Variants in SCEL observed in about 807,000 individuals in gnomAD.
SCEL encodes sciellin.
A neutral mutation model predicts 117.6 loss-of-function variants in SCEL; 113 were observed. The observed-to-expected ratio is 0.96, with a 90% CI of 0.83 to 1.12. The LOEUF (loss-of-function observed/expected upper bound fraction) is 1.12, where lower values mean the gene tolerates loss of function less well. SCEL is among the 50% of genes most tolerant of loss of function. SCEL has a pLI of 0.00. For missense variants in SCEL, 785 were observed against 810.8 expected (o/e 0.97, Z 0.39); for synonymous variants, 270 against 256.2 (o/e 1.05, Z -0.51).
intron 9 of SCEL, among the ~76,000 whole-genome samples, chr13:77,588,578 T>C (rs17067992): frequency 0.13 from 20,248 of 152,162 alleles, 1,419 homozygotes; most frequent in Non-Finnish European, 0.15. Flanking sequence ...GAGACTGCTG[T>C]GGTGCTTCAT....
At position 77,593,259 on chromosome 13, in the gene SCEL, AGTGTGTGTGTGT is replaced by A. The variant is rs4052543; in HGVS notation, c.693-228_693-217del. ...ACACCCAGGTGGAATAACAGAGGGG[AGTGTGTGTGTGT>A]GTGTGTGTGTGTGTGTGTGTGTGTG... On this transcript the variant is annotated intron_variant, in intron 11 of 32. Coordinates refer to ENST00000349847, the MANE Select transcript of SCEL (RefSeq NM_144777.3). Among the ~76,000 whole-genome samples the A allele has an allele frequency of 2.1e-3, 234 of 111,160 alleles. 2 individuals are homozygous for A. The highest frequency in any genetic ancestry group is 1.8e-3 in the South Asian group (6 of 3,290). 72.9% of individuals were successfully genotyped at this position (111,160 alleles called of 152,430 possible).
intron 1 of SCEL, among the ~76,000 whole-genome samples, chr13:77,553,799 T>G (rs1310264459): frequency 6.6e-6 from 1 of 151,998 alleles, no homozygotes; most frequent in East Asian, 1.9e-4. Flanking sequence ...TTACATATGT[T>G]ATCTAGTAAT....
At chr13:77,641,878 T>C (rs2154407480) in intron 31 of SCEL, among the ~76,000 whole-genome samples, 1 of 152,216 alleles carries the variant, frequency 6.6e-6, no homozygotes, top group South Asian at 2.1e-4. Flanking sequence ...TAGGGCATAA[T>C]GTACAGAATG....
At position 77,586,451 on chromosome 13, in the gene SCEL, T is replaced by C. The variant is rs570543375; in HGVS notation, c.546-2693T>C. On this transcript the variant is annotated intron_variant, in intron 9 of 32. Coordinates refer to ENST00000349847, the MANE Select transcript of SCEL (RefSeq NM_144777.3). ...CCAGTCCATTAATTCTACCAGTTTT[T>C]TCACAGTCCCCACTACTCATATTCT... is the stretch of plus-strand genomic sequence containing the variant. Among the ~76,000 whole-genome samples the C allele has an allele frequency of 3.3e-5, 5 of 152,256 alleles. No individual in the cohort carries two copies. In the East Asian group the frequency reaches 7.7e-4, roughly 24 times the overall value.
At chr13:77,564,141 T>C (rs865941573) in intron 5 of SCEL, among the ~76,000 whole-genome samples, 6 of 152,174 alleles carry the variant, frequency 3.9e-5, no homozygotes, top group Middle Eastern at 3.4e-3. Context: ...AGACACTGAT[T>C]TGAGTACAGC....
chr13:77,628,194 T>TA lies in SCEL; in HGVS notation c.1691+185_1691+186insA, dbSNP rs2089858557. ...TGTATATATATATATATATATATCA[T>TA]CCAAATACAAAAATTTACAAGGTGC... On this transcript the variant is annotated intron_variant, in intron 28 of 32. Coordinates refer to ENST00000349847, the MANE Select transcript of SCEL (RefSeq NM_144777.3). 4.5e-5 allele frequency among the ~76,000 whole-genome samples: 6 copies of TA among 133,744 alleles called. No individual in the cohort carries two copies. In the East Asian group the frequency reaches 1.5e-3, roughly 33 times the overall value. 87.7% of individuals were successfully genotyped at this position (133,744 alleles called of 152,430 possible). A position where few individuals can be genotyped will look rare whatever the true frequency, so the allele number is the denominator to read the frequency against.
rs183172862 is a variant in SCEL, at chr13:77,591,899, G to C, written c.692+439G>C. Among the ~76,000 whole-genome samples, 227 of 152,232 alleles carry C rather than the reference G, an allele frequency of 1.5e-3. 1 individual carries two copies. The highest frequency in any genetic ancestry group is 2.2e-3 in the Non-Finnish European group (149 of 68,000). On this transcript the variant is annotated intron_variant, in intron 11 of 32. Coordinates refer to ENST00000349847, the MANE Select transcript of SCEL (RefSeq NM_144777.3). The stretch of plus-strand genomic sequence containing the variant: ...AGGGACATTCACCAAATGTCGTCGG[G>C]GGGGAGGGTAAGGTGGCATTCCCCA...
At chr13:77,538,363 C>T (rs980926622) in intron 1 of SCEL, among the ~76,000 whole-genome samples, 4 of 152,074 alleles carry the variant, frequency 2.6e-5, no homozygotes, top group African/African-American at 7.2e-5. Flanking sequence ...GTGATGTACC[C>T]GCCTTGGTCT....
chr13:77,613,843 A>G, intron 23 of SCEL, 50 bp from the exon 24 acceptor site: 2 of 1,479,270 alleles, frequency 1.4e-6, no homozygotes, highest in South Asian at 2.3e-5. Context: ...GTCAAAACAA[A>G]AAAGAAATGC....
chr13:77,560,685 G>T lies in SCEL; in HGVS notation c.221+822G>T, dbSNP rs536664874. ...AATCACAATGATACAAATAATCTCA[G>T]ATTGATAAAAATAGAGAATATTCTT... On this transcript the variant is annotated intron_variant, in intron 4 of 32. Transcript: ENST00000349847. Among the ~76,000 whole-genome samples the T allele has an allele frequency of 2.6e-4, 39 of 152,220 alleles. No individual in the cohort carries two copies. In the South Asian group the frequency reaches 7.9e-3, roughly 31 times the overall value.
intron 9 of SCEL, among the ~76,000 whole-genome samples, chr13:77,575,453 A>G (rs2085886111): frequency 6.6e-6 from 1 of 152,236 alleles, no homozygotes; most frequent in Admixed American, 6.5e-5. Context: ...ATGAGAAAAT[A>G]GAGTTTTTTA....
chr13:77,555,561 A>G (rs1253778274), intron 1 of SCEL, among the ~76,000 whole-genome samples: 1 of 152,184 alleles, frequency 6.6e-6, no homozygotes, highest in African/African-American at 2.4e-5. Flanking sequence ...TAAGCATTCC[A>G]TGCGTAATTA....
chr13:77,574,047 A>G (rs1486233693), intron 9 of SCEL, among the ~76,000 whole-genome samples: 4 of 152,228 alleles, frequency 2.6e-5, no homozygotes, highest in South Asian at 2.1e-4. Flanking sequence ...AATAACTGGT[A>G]CTTTTCTTAG....
chr13:77,567,646 T>G, intron 5 of SCEL, 34 bp from the exon 6 acceptor site: 5 of 1,471,500 alleles, frequency 3.4e-6, no homozygotes, highest in Non-Finnish European at 4.7e-6. Context: ...AATTTAAATA[T>G]TTATCCAGAC....
chr13:77,634,124 A>G (rs2090161142), intron 28 of SCEL, among the ~76,000 whole-genome samples: 1 of 152,356 alleles, frequency 6.6e-6, no homozygotes, highest in South Asian at 2.1e-4. Flanking sequence ...CATATTCTAC[A>G]AAAGAATTAC....
chr13:77,542,001 T>C (rs1316075458), intron 1 of SCEL, among the ~76,000 whole-genome samples: 1 of 152,218 alleles, frequency 6.6e-6, no homozygotes, highest in Non-Finnish European at 1.5e-5. Flanking sequence ...TAGATAACTT[T>C]TATTGGATAG....
At chr13:77,552,316 G>A (rs1259113306) in intron 1 of SCEL, among the ~76,000 whole-genome samples, 3 of 151,524 alleles carry the variant, frequency 2.0e-5, no homozygotes, top group Non-Finnish European at 4.4e-5. Context: ...CACCAACAGT[G>A]TAAAAGTGTT....
At chr13:77,548,872 A>G (rs938704849) in intron 1 of SCEL, among the ~76,000 whole-genome samples, 11 of 152,180 alleles carry the variant, frequency 7.2e-5, no homozygotes, top group African/African-American at 2.7e-4. Flanking sequence ...TCTTTCCTTT[A>G]TAAATTACCC....
At chr13:77,580,791 A>C (rs2086223244) in intron 9 of SCEL, among the ~76,000 whole-genome samples, 2 of 152,208 alleles carry the variant, frequency 1.3e-5, no homozygotes, top group African/African-American at 2.4e-5. Flanking sequence ...ATTTGATAAA[A>C]TTAAAGTAGT....
Sources: allele counts gnomAD v4.1 joint callset (sites outside exome capture counted in the v4.1 genomes callset), GRCh38; gene constraint gnomAD v4.1.1; transcripts MANE v1.5; gene names NCBI Gene and HGNC (gene_info 2026-07-23, HGNC 2026-07-21).